NOX4: variants seen among roughly 807,000 people sequenced by gnomAD.
NOX4 encodes kidney oxidase-1.
NOX4 carries 69 observed loss-of-function variants against 87.6 expected under a neutral mutation model. That is an observed-to-expected ratio of 0.79 (90% CI 0.65 to 0.96). The LOEUF is 0.96. Ranked by LOEUF, NOX4 falls within the 40% of genes least tolerant of loss-of-function variation. The pLI, the probability that NOX4 is intolerant of heterozygous loss-of-function variation, is 0.00. For missense variants in NOX4, 680 were observed against 681.5 expected (o/e 1.00, Z 0.02); for synonymous variants, 275 against 238.2 (o/e 1.15, Z -1.42).
the NOX4 span, among the ~76,000 whole-genome samples, chr11:89,543,676 T>C: frequency 6.6e-6 from 1 of 152,094 alleles, no homozygotes; most frequent in Non-Finnish European, 1.5e-5. Flanking sequence ...TATAAATTTA[T>C]ATAAGAAGTA....
At chr11:89,521,744 A>C in the NOX4 span, among the ~76,000 whole-genome samples, 1 of 152,178 alleles carries the variant, frequency 6.6e-6, no homozygotes, top group Non-Finnish European at 1.5e-5. Context: ...GTAAACAGAC[A>C]ACCTACAGAA....
chr11:89,402,330 G>A lies in NOX4; in HGVS notation c.842C>T (p.Pro281Leu). The A allele has an allele frequency of 3.1e-6, 5 of 1,611,596 alleles. No homozygotes were observed. Among genetic ancestry groups the A allele is most frequent in the Non-Finnish European group, 4.2e-6 (5 of 1,178,214 alleles). The change falls in exon 9 of 18, where the codon CCA (proline) becomes CTA (leucine). Residue 281 changes from proline to leucine, a missense_variant. By Grantham distance (98) the Pro-to-Leu change is moderately conservative. Coordinates refer to ENST00000263317, the MANE Select transcript of NOX4 (RefSeq NM_016931.5). ...MEEPRFQANF[P>L]QTWLWISGPL... ...CAAACACAAAATTAATCTGACCTGT[G>A]GAAAATTAGCTTGGAATCTGGGCTC...
intron 8 of NOX4, among the ~76,000 whole-genome samples, chr11:89,417,663 G>C (rs1382851268): frequency 6.6e-6 from 1 of 152,056 alleles, no homozygotes; most frequent in African/African-American, 2.4e-5. Flanking sequence ...CAAAAGTGTT[G>C]TGTCTTTATC....
the NOX4 span, among the ~76,000 whole-genome samples, chr11:89,578,774 A>G: frequency 2.0e-5 from 3 of 152,302 alleles, no homozygotes; most frequent in South Asian, 4.1e-4. Flanking sequence ...TGTGGGTACA[A>G]TCTAGCAATT....
the NOX4 span, among the ~76,000 whole-genome samples, chr11:89,570,887 A>T: frequency 1.3e-5 from 2 of 152,220 alleles, no homozygotes; most frequent in African/African-American, 4.8e-5. Context: ...TCTTGTCAAC[A>T]TGCCACACCC....
intron 2 of NOX4, among the ~76,000 whole-genome samples, chr11:89,477,147 AAAT>A (rs1946199017): frequency 1.3e-5 from 2 of 152,286 alleles, no homozygotes; most frequent in South Asian, 4.1e-4. Context: ...ATATATAATG[AAAT>A]AATTATACAA....
the NOX4 span, among the ~76,000 whole-genome samples, chr11:89,540,786 TAAAAAAAAAAAAAAAAAAAAAA>T: frequency 3.7e-3 from 162 of 43,516 alleles, 4 homozygotes; most frequent in South Asian, 0.039. Flanking sequence ...AGACTCCGTC[TAAAAAAAAAAAAAAAAAAAAAA>T]AAAAAAAAAA....
chr11:89,419,408 CCTT>C (rs1243211776), intron 8 of NOX4, among the ~76,000 whole-genome samples: 3 of 151,670 alleles, frequency 2.0e-5, no homozygotes, highest in Non-Finnish European at 4.4e-5. Flanking sequence ...ATAAGCCAAT[CCTT>C]CATCAGTATA....
chr11:89,370,742 G>T (rs879660991), intron 12 of NOX4, among the ~76,000 whole-genome samples: 1 of 151,930 alleles, frequency 6.6e-6, no homozygotes, highest in Admixed American at 6.6e-5. Flanking sequence ...GGTCTTCCAC[G>T]TATCTAGGAG....
At chr11:89,473,502 A>G (rs924267768) in intron 2 of NOX4, among the ~76,000 whole-genome samples, 1 of 152,080 alleles carries the variant, frequency 6.6e-6, no homozygotes, top group Non-Finnish European at 1.5e-5. Flanking sequence ...TGACAATGAT[A>G]CCTCTTCATT....
intron 11 of NOX4, among the ~76,000 whole-genome samples, chr11:89,381,360 G>A (rs1018798737): frequency 1.3e-5 from 2 of 152,132 alleles, no homozygotes; most frequent in African/African-American, 4.8e-5. Flanking sequence ...TGAAGTAACT[G>A]AAGAGTCACA....
chr11:89,467,200 A>T (rs1945732810), intron 2 of NOX4, among the ~76,000 whole-genome samples: 1 of 151,670 alleles, frequency 6.6e-6, no homozygotes, highest in Non-Finnish European at 1.5e-5. Flanking sequence ...AATACAAAAA[A>T]ATTAGCTGGG....
chr11:89,494,190 C>G (rs550812947), upstream of NOX4, among the ~76,000 whole-genome samples: 1 of 152,282 alleles, frequency 6.6e-6, no homozygotes, highest in East Asian at 1.9e-4. Flanking sequence ...TCTCCAGGAA[C>G]AGACTTTACA....
intron 12 of NOX4, among the ~76,000 whole-genome samples, chr11:89,358,389 A>C (rs1231775484): frequency 1.0e-5 from 1 of 96,932 alleles, no homozygotes; most frequent in Non-Finnish European, 1.8e-5. Context: ...TTAATCTCAA[A>C]AAAAAAAAAA....
chr11:89,367,528 CTTAT>C (rs568842670), intron 12 of NOX4, among the ~76,000 whole-genome samples: 20 of 152,078 alleles, frequency 1.3e-4, no homozygotes, highest in African/African-American at 4.6e-4. Flanking sequence ...ATTGCTCAGT[CTTAT>C]TTATTTATTT....
At chr11:89,444,090 T>C in intron 5 of NOX4, 45 bp downstream of exon 5, 1 of 1,531,588 alleles carries the variant, frequency 6.5e-7, no homozygotes, top group South Asian at 1.1e-5. Flanking sequence ...TCATTAGTCA[T>C]CTCATGACAA....
intron 2 of NOX4, among the ~76,000 whole-genome samples, chr11:89,489,494 G>A (rs1946762139): frequency 1.3e-5 from 2 of 152,116 alleles, no homozygotes; most frequent in South Asian, 4.1e-4. Context: ...GTGGGAGGCT[G>A]AGGCAGGCGG....
rs537247289 is a variant in NOX4 at position 89,433,906 on chromosome 11, C to T, written c.476-1050G>A. 5.3e-5 allele frequency among the ~76,000 whole-genome samples: 8 copies of T among 152,108 alleles called. No individual in the cohort carries two copies. The South Asian group carries it at 1.7e-3, about 32-fold the overall frequency. On this transcript the variant is annotated intron_variant, in intron 6 of 17. Coordinates refer to ENST00000263317, the MANE Select transcript of NOX4 (RefSeq NM_016931.5). ...CCTAAACAGCTAAAGTGTCAATGGT[C>T]TCCTTTAGTATTGTATTATTACAAA... is the stretch of plus-strand genomic sequence containing the variant.
chr11:89,365,469 G>T (rs1291381797), intron 12 of NOX4, among the ~76,000 whole-genome samples: 1 of 150,846 alleles, frequency 6.6e-6, no homozygotes, highest in Admixed American at 6.6e-5. Context: ...AAAAAAAACA[G>T]TTTCAAAGAA....
Sources: gnomAD v4.1 joint callset for allele counts (sites outside exome capture counted in the v4.1 genomes callset) on GRCh38, gnomAD v4.1.1 for gene constraint, MANE v1.5 for transcripts, NCBI Gene and HGNC (gene_info 2026-07-23, HGNC 2026-07-21) for gene names.